The following CNTN3 variants were observed in gnomAD, a reference collection of about 807,000 sequenced individuals.
CNTN3 encodes contactin 3.
Under a neutral mutation model 119.1 loss-of-function variants are expected in CNTN3, and 60 were observed. The observed-to-expected ratio is 0.50, with a 90% CI of 0.41 to 0.62. CNTN3 has a LOEUF of 0.62. CNTN3 is among the 20% of genes least tolerant of loss of function. The probability of loss-of-function intolerance (pLI) is 0.00; values close to 1 mark genes in which losing one functional copy is unlikely to be tolerated. For synonymous variants in CNTN3, 450 were observed against 438.7 expected (o/e 1.03, Z -0.32); for missense variants, 1,101 against 1,242.4 (o/e 0.89, Z 1.71).
chr3:74,463,665 T>C (rs1559616295), intron 4 of CNTN3, among the ~76,000 whole-genome samples: 1 of 152,122 alleles, frequency 6.6e-6, no homozygotes, highest in Non-Finnish European at 1.5e-5. Flanking sequence ...ACCTGGTTTC[T>C]TGGTCAATCA....
intron 5 of CNTN3, among the ~76,000 whole-genome samples, chr3:74,378,814 C>G (rs1293568558): frequency 6.6e-6 from 1 of 152,168 alleles, no homozygotes; most frequent in Non-Finnish European, 1.5e-5. Flanking sequence ...GCTTAACATT[C>G]CCTTAACTGT....
At chr3:74,585,551 T>C (rs1482489872) in intron 1 of CNTN3, among the ~76,000 whole-genome samples, 1 of 152,168 alleles carries the variant, frequency 6.6e-6, no homozygotes, top group Non-Finnish European at 1.5e-5. Flanking sequence ...AACTGAATCA[T>C]ATTTCATATT....
Position 74,404,798 on chromosome 3 carries a change from AAAT to A in CNTN3, c.454+20044_454+20046del, listed in dbSNP as rs1048076344. Among the ~76,000 whole-genome samples, 99 of 152,148 alleles carry A rather than the reference AAAT, an allele frequency of 6.5e-4. 1 individual carries two copies. The highest frequency in any genetic ancestry group is 3.4e-3 in the Middle Eastern group (1 of 294). ...TGAATACTAAAGCAGTTATAAAAAA[AAAT>A]AGTCTATTTAAAATTCAGTCTCTAG... On this transcript the variant is annotated intron_variant, in intron 5 of 22. Transcript: ENST00000263665.
intron 5 of CNTN3, among the ~76,000 whole-genome samples, chr3:74,417,332 C>G (rs922529297): frequency 6.6e-6 from 1 of 152,126 alleles, no homozygotes; most frequent in Non-Finnish European, 1.5e-5. Context: ...CAGTATTCGA[C>G]AAGTATCAAT....
chr3:74,354,907 G>A (rs1413226845), intron 11 of CNTN3, among the ~76,000 whole-genome samples: 1 of 152,038 alleles, frequency 6.6e-6, no homozygotes, highest in East Asian at 1.9e-4. Flanking sequence ...AGTTTCAGAG[G>A]TAAGCTGTAC....
intron 4 of CNTN3, among the ~76,000 whole-genome samples, chr3:74,483,012 ATTT>A (rs1405933836): frequency 4.6e-5 from 7 of 152,136 alleles, no homozygotes; most frequent in Non-Finnish European, 1.0e-4. Flanking sequence ...ATTAAACAAC[ATTT>A]TTTATCTTTC....
chr3:74,301,578 T>C (rs1381314310), intron 15 of CNTN3, 31 bp from the exon 16 acceptor site: 33 of 1,612,686 alleles, frequency 2.0e-5, no homozygotes, highest in Non-Finnish European at 2.8e-5. Flanking sequence ...GGTAAGAGTC[T>C]GCCTGCTTTA....
intron 11 of CNTN3, among the ~76,000 whole-genome samples, chr3:74,350,018 C>T (rs1321372119): frequency 6.6e-6 from 1 of 152,168 alleles, no homozygotes; most frequent in Non-Finnish European, 1.5e-5. Context: ...GTGGCCTTAA[C>T]TTCTATGATC....
At chr3:74,354,031 T>C (rs1238507867) in intron 11 of CNTN3, among the ~76,000 whole-genome samples, 1 of 152,050 alleles carries the variant, frequency 6.6e-6, no homozygotes, top group Non-Finnish European at 1.5e-5. Context: ...GTCATATAAA[T>C]CCAATAATAC....
chr3:74,593,966 T>C (rs1241269054), intron 1 of CNTN3, among the ~76,000 whole-genome samples: 1 of 151,894 alleles, frequency 6.6e-6, no homozygotes, highest in African/African-American at 2.4e-5. Flanking sequence ...AGAAAAAATA[T>C]AAGACTTTGA....
At position 74,350,961 on chromosome 3, in the gene CNTN3, C is replaced by T. The variant is rs1575744608; in HGVS notation, c.1364+10929G>A. The stretch of plus-strand genomic sequence containing the variant: ...AGCAGGGAGACCAGGATTGAAAAAC[C>T]ATGTTTTCATAGGGTACCATGTTCA... On this transcript the variant is annotated intron_variant, in intron 11 of 22. Transcript: ENST00000263665. Among the ~76,000 whole-genome samples, 3 of 152,154 alleles carry T rather than the reference C, an allele frequency of 2.0e-5. No homozygotes were observed. The South Asian group carries it at 6.2e-4, about 32-fold the overall frequency.
intron 1 of CNTN3, among the ~76,000 whole-genome samples, chr3:74,546,936 T>C (rs931707081): frequency 9.9e-5 from 15 of 151,894 alleles, no homozygotes; most frequent in African/African-American, 3.6e-4. Flanking sequence ...CTTTATTTCA[T>C]TTCTCCTTAT....
At chr3:74,430,034 T>C (rs193301774) in intron 4 of CNTN3, among the ~76,000 whole-genome samples, 3 of 152,314 alleles carry the variant, frequency 2.0e-5, no homozygotes, top group East Asian at 3.9e-4. Context: ...TCAGACATTG[T>C]CTTCTTAAGT....
chr3:74,458,639 AACAGAAC>A (rs1201103142), intron 4 of CNTN3, among the ~76,000 whole-genome samples: 4 of 152,022 alleles, frequency 2.6e-5, no homozygotes, highest in Admixed American at 6.6e-5. Flanking sequence ...TTCTGGAAAT[AACAGAAC>A]TACAGAGATG....
chr3:74,582,783 TTGTGTGTG>T (rs60306845), intron 1 of CNTN3, among the ~76,000 whole-genome samples: 5 of 145,002 alleles, frequency 3.4e-5, no homozygotes, highest in African/African-American at 1.0e-4. Flanking sequence ...GTGTATGCAT[TTGTGTGTG>T]TGTGTGTGTG....
In CNTN3 at chr3:74,464,927, T is replaced by G. The variant is rs575903915; in HGVS notation, c.358+21529A>C. ...ATTTATATTAACAATCATTCATAGT[T>G]GGTGCTACACACTTTCTATGGCATC... On this transcript the variant is annotated intron_variant, in intron 4 of 22. Transcript: ENST00000263665. 6.6e-5 allele frequency among the ~76,000 whole-genome samples: 10 copies of G among 152,310 alleles called. No individual in the cohort carries two copies. In the South Asian group the frequency reaches 2.1e-3, roughly 32 times the overall value.
At chr3:74,296,978 A>G (rs1181165694) in intron 18 of CNTN3, among the ~76,000 whole-genome samples, 1 of 151,994 alleles carries the variant, frequency 6.6e-6, no homozygotes, top group African/African-American at 2.4e-5. Flanking sequence ...TAAAGCGGTC[A>G]TGAGACAAAA....
At chr3:74,356,662 C>A (rs1703941715) in intron 11 of CNTN3, among the ~76,000 whole-genome samples, 1 of 151,998 alleles carries the variant, frequency 6.6e-6, no homozygotes, top group African/African-American at 2.4e-5. Flanking sequence ...ATGTAAGAGC[C>A]CAGGAATCAC....
intron 1 of CNTN3, among the ~76,000 whole-genome samples, chr3:74,578,372 C>G (rs956358667): frequency 6.6e-6 from 1 of 152,014 alleles, no homozygotes; most frequent in African/African-American, 2.4e-5. Flanking sequence ...TAAGGAGATT[C>G]TTGTGCAATG....
Sources: allele counts gnomAD v4.1 joint callset (sites outside exome capture counted in the v4.1 genomes callset), GRCh38; gene constraint gnomAD v4.1.1; transcripts MANE v1.5; gene names NCBI Gene and HGNC (gene_info 2026-07-23, HGNC 2026-07-21).